Variants in RGP1 observed in about 807,000 individuals in gnomAD.
RGP1 encodes the protein RGP1 partner of RAB6A GEF complex, also known as RAB6A-GEF complex partner protein 2.
Under a neutral mutation model 44.5 loss-of-function variants are expected in RGP1, and 28 were observed. The ratio of observed to expected loss-of-function variants is 0.63; its 90% CI spans 0.47 to 0.86. RGP1 has a LOEUF of 0.86. Ranked by LOEUF, RGP1 falls within the 40% of genes least tolerant of loss-of-function variation. The pLI, the probability that RGP1 is intolerant of heterozygous loss-of-function variation, is 0.00. For synonymous variants in RGP1, 212 were observed against 196.7 expected (o/e 1.08, Z -0.65); for missense variants, 417 against 490.7 (o/e 0.85, Z 1.42).
At chr9:35,773,767 G>T in the RGP1 span, among the ~76,000 whole-genome samples, 1 of 151,934 alleles carries the variant, frequency 6.6e-6, no homozygotes. Flanking sequence ...CTCCCAAAAT[G>T]CTGGGATTAC....
At position 35,757,358 on chromosome 9, in the gene RGP1, C is replaced by T. The variant is rs943369787; in HGVS notation, c.*4484C>T. 1 of 152,634 alleles carries T rather than the reference C, an allele frequency of 6.6e-6. No homozygotes were observed. Among genetic ancestry groups the T allele is most frequent in the Non-Finnish European group, 1.5e-5 (1 of 68,406 alleles). 9.5% of individuals were successfully genotyped at this position (152,634 alleles called of 1,614,324 possible). A position where few individuals can be genotyped will look rare whatever the true frequency, so the allele number is the denominator to read the frequency against. On this transcript the variant is annotated 3_prime_UTR_variant, in exon 9 of 9. Transcript: ENST00000378078. Reference sequence around the variant, plus strand: ...GCGCGAAACGGACACTGAACACAGTCTGACTGTATGGAGGCAGGTGGGGAG... The same window carrying T: ...GCGCGAAACGGACACTGAACACAGTTTGACTGTATGGAGGCAGGTGGGGAG...
At chr9:35,751,491 C>T in intron 6 of RGP1, 79 bp downstream of exon 6, 1 of 1,600,960 alleles carries the variant, frequency 6.2e-7, no homozygotes, top group Non-Finnish European at 8.5e-7. Flanking sequence ...TCCTAACCAC[C>T]ACACACTTCT....
the RGP1 span, among the ~76,000 whole-genome samples, chr9:35,787,066 C>T: frequency 6.7e-6 from 1 of 149,870 alleles, no homozygotes; most frequent in South Asian, 2.1e-4. Context: ...AGCCACTGCA[C>T]TGTAGCCTGG....
downstream of RGP1, among the ~76,000 whole-genome samples, chr9:35,761,737 G>A (rs1827418617): frequency 1.3e-5 from 2 of 152,080 alleles, 1 homozygote; most frequent in African/African-American, 4.8e-5. Flanking sequence ...ATGAATTTGG[G>A]TTCTATTTAC....
At chr9:35,789,613 A>T in the RGP1 span, among the ~76,000 whole-genome samples, 44,858 of 150,044 alleles carry the variant, frequency 0.3, 8,273 homozygotes, top group African/African-American at 0.52. Context: ...AATGAAGAAT[A>T]GTCCTTAATG....
Position 35,749,893 on chromosome 9 carries a change from G to A in RGP1, c.116+22G>A. ...CCAGGTGGGGATGCTGGCACTGAAG[G>A]TGGTGGCCCTTCTGGGAAGAAGCCA... On this transcript the variant is annotated intron_variant, in intron 2 of 8. Coordinates refer to ENST00000378078, the MANE Select transcript of RGP1 (RefSeq NM_001080496.3). This position sits in a 1 kb window ranked among gnomAD's most constrained non-coding sequence, Gnocchi z 4.4. The A allele has an allele frequency of 6.4e-7, 1 of 1,563,350 alleles. No homozygotes were observed. Among genetic ancestry groups the A allele is most frequent in the Non-Finnish European group, 8.8e-7 (1 of 1,137,322 alleles).
the RGP1 span, among the ~76,000 whole-genome samples, chr9:35,764,652 A>T: frequency 6.6e-6 from 1 of 152,000 alleles, no homozygotes. Context: ...ACTGCCCCCA[A>T]ATTTCCTTAT....
the RGP1 span, among the ~76,000 whole-genome samples, chr9:35,783,629 T>C: frequency 6.6e-6 from 1 of 152,210 alleles, no homozygotes; most frequent in African/African-American, 2.4e-5. Flanking sequence ...GAATTCATTC[T>C]TTTTTATGGC....
the RGP1 span, among the ~76,000 whole-genome samples, chr9:35,785,248 C>T: frequency 6.6e-6 from 1 of 152,030 alleles, no homozygotes; most frequent in African/African-American, 2.4e-5. Context: ...AGATGGATTC[C>T]CTTAAAGCCA....
Position 35,751,708 on chromosome 9 carries a change from T to A in RGP1, c.716T>A (p.Val239Glu). The A allele has an allele frequency of 6.2e-7, 1 of 1,613,948 alleles. No homozygotes were observed. Among genetic ancestry groups the A allele is most frequent in the Non-Finnish European group, 8.5e-7 (1 of 1,179,886 alleles). Residue 239 changes from valine (V) to glutamate (E), a missense_variant, in exon 7 of 9, where the codon GTG becomes GAG. By Grantham distance (121) the Val-to-Glu change is moderately radical. Coordinates refer to ENST00000378078, the MANE Select transcript of RGP1 (RefSeq NM_001080496.3). ...TCTGTGTACAGACTTGGCGAGGACG[T>A]GGTGGGGACCTTAAACTTAGGGGAA... is the stretch of plus-strand genomic sequence containing the variant. ...FKSVYRLGED[V>E]VGTLNLGEGT...
the RGP1 span, among the ~76,000 whole-genome samples, chr9:35,788,819 T>C: frequency 6.6e-6 from 1 of 152,172 alleles, no homozygotes; most frequent in Non-Finnish European, 1.5e-5. Context: ...ATAGCTTGGA[T>C]AGTGGGATAT....
chr9:35,755,148 G>A lies in RGP1; in HGVS notation c.*2274G>A, dbSNP rs1827339215. On this transcript the variant is annotated 3_prime_UTR_variant, in exon 9 of 9. Coordinates refer to ENST00000378078, the MANE Select transcript of RGP1 (RefSeq NM_001080496.3). ...TGGATTCAGATCCTGACTCCACTTA[G>A]CTATGTAACCTGGTCAGATTACTTC... 6.6e-6 allele frequency: 1 copy of A among 152,196 alleles called. No homozygotes were observed. Among genetic ancestry groups the A allele is most frequent in the Non-Finnish European group, 1.5e-5 (1 of 68,040 alleles). The allele number at this position is 152,196 out of a possible 1,614,324, so 9.4% of individuals were successfully genotyped here. A position where few individuals can be genotyped will look rare whatever the true frequency, so the allele number is the denominator to read the frequency against.
chr9:35,780,881 A>G, the RGP1 span, among the ~76,000 whole-genome samples: 3 of 152,168 alleles, frequency 2.0e-5, no homozygotes, highest in African/African-American at 4.8e-5. Context: ...TAACAGAGTG[A>G]GACTCTGTCT....
At chr9:35,778,171 G>A in the RGP1 span, among the ~76,000 whole-genome samples, 1 of 151,974 alleles carries the variant, frequency 6.6e-6, no homozygotes, top group Non-Finnish European at 1.5e-5. Context: ...GCGTGGTGGC[G>A]CATGCCTGTA....
downstream of RGP1, among the ~76,000 whole-genome samples, chr9:35,763,003 A>G (rs910213757): frequency 1.3e-5 from 2 of 152,216 alleles, no homozygotes; most frequent in African/African-American, 4.8e-5. Flanking sequence ...TAGCTCTTCT[A>G]GTTCAAATCT....
At position 35,751,693 on chromosome 9, in the gene RGP1, G is replaced by A. The variant is rs762505044; in HGVS notation, c.701G>A (p.Arg234Lys). 1.4e-5 allele frequency: 23 copies of A among 1,613,880 alleles called. No homozygotes were observed. Among genetic ancestry groups the A allele is most frequent in the Non-Finnish European group, 1.9e-5 (23 of 1,179,890 alleles). The change falls in exon 7 of 9, where the codon AGA (arginine) becomes AAA (lysine). Residue 234 changes from arginine to lysine, a missense_variant. Arg to Lys is a conservative substitution (Grantham distance 26). Coordinates refer to ENST00000378078, the MANE Select transcript of RGP1 (RefSeq NM_001080496.3). ...TTTGGCATCTTCAAATCTGTGTACAGACTTGGCGAGGACGTGGTGGGGACC... is the reference window on the plus strand; with the variant it reads ...TTTGGCATCTTCAAATCTGTGTACAAACTTGGCGAGGACGTGGTGGGGACC... Reference protein sequence around the residue: ...GTFGIFKSVYRLGEDVVGTLN... With the variant: ...GTFGIFKSVYKLGEDVVGTLN...
the RGP1 span, chr9:35,772,300 T>A: frequency 2.0e-5 from 3 of 152,132 alleles, no homozygotes; most frequent in African/African-American, 4.8e-5. Flanking sequence ...AAGAAGAGGA[T>A]CTTCATCACG....
the RGP1 span, among the ~76,000 whole-genome samples, chr9:35,780,109 T>G: frequency 3.9e-5 from 6 of 152,230 alleles, no homozygotes; most frequent in African/African-American, 1.4e-4. Context: ...TTGTGATAAC[T>G]ACCTTGTTAA....
At position 35,757,917 on chromosome 9, in the gene RGP1, TAA is replaced by T. The variant is rs1237918276; in HGVS notation, c.*5049_*5050del. 1 of 152,182 alleles carries T rather than the reference TAA, an allele frequency of 6.6e-6. No homozygotes were observed. Among genetic ancestry groups the T allele is most frequent in the Non-Finnish European group, 1.5e-5 (1 of 68,030 alleles). The allele number at this position is 152,182 out of a possible 1,614,324, so 9.4% of individuals were successfully genotyped here. A position where few individuals can be genotyped will look rare whatever the true frequency, so the allele number is the denominator to read the frequency against. On this transcript the variant is annotated 3_prime_UTR_variant, in exon 9 of 9. Coordinates refer to ENST00000378078, the MANE Select transcript of RGP1 (RefSeq NM_001080496.3). ...AGTAATTTTGGTGGATTTTTAAAAATAAAAAAATAAAAATAGAAAAGTTGCAC... is the reference window on the plus strand; with the variant it reads ...AGTAATTTTGGTGGATTTTTAAAAATAAAAATAAAAATAGAAAAGTTGCAC...
Sources: gnomAD v4.1 joint callset for allele counts (sites outside exome capture counted in the v4.1 genomes callset) on GRCh38, gnomAD v4.1.1 for gene constraint, Gnocchi (gnomAD v3.1) non-coding constraint, MANE v1.5 for transcripts, NCBI Gene and HGNC (gene_info 2026-07-23, HGNC 2026-07-21) for gene names.